The following PMS1 variants were observed in gnomAD, a reference collection of about 807,000 sequenced individuals.
PMS1 encodes PMS1 protein homolog 1.
In PMS1, 79 loss-of-function variants were observed where a neutral mutation model predicts 93.1. That is an observed-to-expected ratio of 0.85 (90% CI 0.71 to 1.02). The LOEUF (loss-of-function observed/expected upper bound fraction) is 1.02. Ranked by LOEUF, PMS1 falls within the 50% of genes least tolerant of loss-of-function variation. The probability of loss-of-function intolerance (pLI) is 0.00; values close to 1 mark genes in which losing one functional copy is unlikely to be tolerated. For missense variants in PMS1, 1,064 were observed against 1,085.3 expected, an observed-to-expected ratio of 0.98 and a Z score of 0.28; for synonymous variants, 335 against 363.4, an observed-to-expected ratio of 0.92 and a Z score of 0.89.
At chr2:189,829,741 A>G (rs1044365794) in intron 5 of PMS1, among the ~76,000 whole-genome samples, 1 of 152,190 alleles carries the variant, frequency 6.6e-6, no homozygotes, top group Non-Finnish European at 1.5e-5. Context: ...CAGAAGCCTT[A>G]GGGTTATTCT....
chr2:189,800,108 G>A (rs1036863682), intron 3 of PMS1, among the ~76,000 whole-genome samples: 2 of 152,194 alleles, frequency 1.3e-5, no homozygotes, highest in Non-Finnish European at 2.9e-5. Context: ...CGCATGCAGG[G>A]TGCTGCACTA....
At chr2:189,785,160 C>T (rs139770598) in intron 1 of PMS1, among the ~76,000 whole-genome samples, 1 of 152,196 alleles carries the variant, frequency 6.6e-6, no homozygotes, top group African/African-American at 2.4e-5. Flanking sequence ...TTTTTATTGC[C>T]GAAATAGCTT....
chr2:189,866,842 CTG>C (rs2056700736), intron 10 of PMS1, among the ~76,000 whole-genome samples: 2 of 152,180 alleles, frequency 1.3e-5, no homozygotes, highest in South Asian at 4.1e-4. Context: ...GACAGTTTAA[CTG>C]TGGAGCCTGC....
At position 189,795,878 on chromosome 2, in the gene PMS1, A is replaced by G. The variant is rs755941492; in HGVS notation, c.242A>G (p.His81Arg). The G allele has an allele frequency of 6.2e-7, 1 of 1,613,678 alleles. No individual in the cohort carries two copies. Among genetic ancestry groups the G allele is most frequent in the Non-Finnish European group, 8.5e-7 (1 of 1,179,582 alleles). The change falls in exon 3 of 13, where the codon CAT (histidine) becomes CGT (arginine). Residue 81 changes from histidine (H) to arginine (R), a missense_variant. Transcript: ENST00000441310. ...TACTACACCTCAAAAATAAATAGTC[A>G]TGAAGATCTTGAAAATTTGACAACT... ...MKYYTSKINS[H>R]EDLENLTTYG...
intron 1 of PMS1, among the ~76,000 whole-genome samples, chr2:189,790,907 G>A (rs2048805885): frequency 6.6e-6 from 1 of 152,202 alleles, no homozygotes; most frequent in South Asian, 2.1e-4. Flanking sequence ...TGTGGGTTTA[G>A]GGTAGGGATT....
At chr2:189,866,355 GA>G (rs201629456) in intron 10 of PMS1, among the ~76,000 whole-genome samples, 3 of 151,078 alleles carry the variant, frequency 2.0e-5, no homozygotes, top group Non-Finnish European at 3.0e-5. Context: ...ATATTGGCCT[GA>G]AAAAAAAATC....
intron 4 of PMS1, among the ~76,000 whole-genome samples, chr2:189,812,995 T>C (rs2050973576): frequency 6.6e-6 from 1 of 152,212 alleles, no homozygotes; most frequent in Non-Finnish European, 1.5e-5. Context: ...ATTTACAAAA[T>C]TAACTAGTAG....
chr2:189,822,139 C>G (rs547492873), intron 5 of PMS1, among the ~76,000 whole-genome samples: 20 of 152,138 alleles, frequency 1.3e-4, no homozygotes, highest in Admixed American at 3.3e-4. Context: ...ACATGTGGGC[C>G]GCGGTTGCCG....
chr2:189,803,174 A>G (rs1446864212), intron 3 of PMS1, among the ~76,000 whole-genome samples: 2 of 152,002 alleles, frequency 1.3e-5, no homozygotes, highest in African/African-American at 4.8e-5. Context: ...CCCCCCAAAA[A>G]CTCAAAAGGC....
At chr2:189,852,808 G>C (rs924514266) in intron 7 of PMS1, 31 bp downstream of exon 7, 1 of 1,431,036 alleles carries the variant, frequency 7.0e-7, no homozygotes, top group African/African-American at 1.4e-5. Flanking sequence ...AAAATTATTT[G>C]AATTGGAAAT....
In PMS1 at chr2:189,789,007, A is replaced by T. The variant is rs189268944; in HGVS notation, c.-20-2783A>T. On this transcript the variant is annotated intron_variant, in intron 1 of 12. Transcript: ENST00000441310. ...TCCACTGTTTCCCTGCTTGATTGGG[A>T]CAGGAAAGCCTCCCAGCTGTTGAGA... 5.3e-5 allele frequency among the ~76,000 whole-genome samples: 8 copies of T among 152,222 alleles called. 1 individual carries two copies. The East Asian group carries it at 1.5e-3, about 29-fold the overall frequency.
At chr2:189,829,206 G>T (rs1277603392) in intron 5 of PMS1, among the ~76,000 whole-genome samples, 1 of 152,118 alleles carries the variant, frequency 6.6e-6, no homozygotes, top group Non-Finnish European at 1.5e-5. Context: ...TTAAGTGATG[G>T]CTTGCACTCT....
rs1232932613 is a variant in PMS1, at chr2:189,844,024, G to A, written c.643G>A (p.Gly215Arg). 6.2e-7 allele frequency: 1 copy of A among 1,613,968 alleles called. No homozygotes were observed. The change falls in exon 6 of 13, where the codon GGG (glycine) becomes AGG (arginine). Residue 215 changes from glycine to arginine, a missense_variant. Gly to Arg is a moderately radical substitution (Grantham distance 125). Coordinates refer to ENST00000441310, the MANE Select transcript of PMS1 (RefSeq NM_000534.5). ...CAAGATGGCTCTCATGTCAGTTCTG[G>A]GGACTGCTGTTATGAACAATATGGA... ...DHKMALMSVL[G>R]TAVMNNMESF...
At chr2:189,818,450 A>G (rs1402037610) in intron 5 of PMS1, among the ~76,000 whole-genome samples, 1 of 152,194 alleles carries the variant, frequency 6.6e-6, no homozygotes, top group African/African-American at 2.4e-5. Flanking sequence ...GGCACCACCT[A>G]TGAACCAGAA....
At position 189,807,974 on chromosome 2, in the gene PMS1, A is replaced by G. The variant is rs150713711; in HGVS notation, c.418+2220A>G. Among the ~76,000 whole-genome samples, 21 of 152,336 alleles carry G rather than the reference A, an allele frequency of 1.4e-4. No homozygotes were observed. The East Asian group carries it at 3.9e-3, about 28-fold the overall frequency. ...AAGTTGTTCTTGGTGGACATATTAT[A>G]TATATCTACAAACACTTTCAAAAGC... is the stretch of plus-strand genomic sequence containing the variant. On this transcript the variant is annotated intron_variant, in intron 4 of 12. Coordinates refer to ENST00000441310, the MANE Select transcript of PMS1 (RefSeq NM_000534.5).
chr2:189,864,689 T>A (rs1481462558), intron 10 of PMS1, among the ~76,000 whole-genome samples: 1,224 of 5,236 alleles, frequency 0.23, 90 homozygotes, highest in East Asian at 0.32. Flanking sequence ...AAAAAAAAAA[T>A]ATATATATAT....
intron 12 of PMS1, among the ~76,000 whole-genome samples, chr2:189,875,080 A>G (rs1170630252): frequency 6.6e-6 from 1 of 151,876 alleles, no homozygotes; most frequent in Non-Finnish European, 1.5e-5. Context: ...ATTTAAGGTC[A>G]ATAAGATGAA....
intron 12 of PMS1, among the ~76,000 whole-genome samples, chr2:189,874,464 TAAAAG>T (rs1249758922): frequency 1.3e-5 from 2 of 152,336 alleles, no homozygotes; most frequent in African/African-American, 2.4e-5. Context: ...AAGAGTGGGT[TAAAAG>T]AAAAGGATTA....
intron 3 of PMS1, among the ~76,000 whole-genome samples, chr2:189,801,016 T>C (rs2049840345): frequency 6.6e-6 from 1 of 152,134 alleles, no homozygotes; most frequent in Non-Finnish European, 1.5e-5. Flanking sequence ...TTTTGTTTTG[T>C]TTTGTTTTAT....
Sources: gnomAD v4.1 joint callset for allele counts (sites outside exome capture counted in the v4.1 genomes callset) on GRCh38, gnomAD v4.1.1 for gene constraint, MANE v1.5 for transcripts, NCBI Gene and HGNC (gene_info 2026-07-23, HGNC 2026-07-21) for gene names.